The following NALCN variants were observed in gnomAD, a reference collection of about 807,000 sequenced individuals.
NALCN encodes sodium leak channel NALCN.
Under a neutral mutation model 225.3 loss-of-function variants are expected in NALCN, and 111 were observed. That is an observed-to-expected ratio of 0.49 (90% CI 0.42 to 0.58). The LOEUF (loss-of-function observed/expected upper bound fraction) is 0.58. Ranked by LOEUF, NALCN falls within the 20% of genes least tolerant of loss-of-function variation. The pLI is 0.00. For synonymous variants in NALCN, 764 were observed against 769.0 expected (o/e 0.99, Z 0.11); for missense variants, 1,378 against 2,202.4 (o/e 0.63, Z 7.49).
chr13:101,081,778 CA>C, intron 33 of NALCN, 132 bp from the exon 34 acceptor site: 1 of 1,171,790 alleles, frequency 8.5e-7, no homozygotes, highest in Non-Finnish European at 1.2e-6. Context: ...GATGTGGACA[CA>C]GTATCTTTTC....
Position 101,104,546 on chromosome 13 carries a change from T to C in NALCN, c.2741A>G (p.His914Arg), listed in dbSNP as rs760548460. 1.9e-6 allele frequency: 3 copies of C among 1,613,912 alleles called. No individual in the cohort carries two copies. The highest frequency in any genetic ancestry group is 2.2e-5 in the South Asian group (2 of 91,084). ...MFESPFRRVMHAPTLQIAEYV... is the reference protein window; with the variant it reads ...MFESPFRRVMRAPTLQIAEYV... ...AAGCGGTACCTGCAAAGTAGGTGCA[T>C]GCATGACTCTTCGAAACGGGGACTC... Residue 914 changes from histidine (H) to arginine (R), a missense_variant, in exon 24 of 44, where the codon CAT (histidine) becomes CGT (arginine). By Grantham distance (29) the His-to-Arg change is conservative (BLOSUM62 0). Transcript: ENST00000251127. This position sits in a 1 kb window ranked among gnomAD's most constrained non-coding sequence, Gnocchi z 4.2.
intron 6 of NALCN, among the ~76,000 whole-genome samples, chr13:101,351,592 T>A (rs1442009407): frequency 6.6e-6 from 1 of 152,136 alleles, no homozygotes; most frequent in Non-Finnish European, 1.5e-5. Flanking sequence ...ACAAAGATGA[T>A]CATCTCAGTT....
At chr13:101,323,862 G>C (rs2044844027) in intron 7 of NALCN, among the ~76,000 whole-genome samples, 1 of 152,140 alleles carries the variant, frequency 6.6e-6, no homozygotes, top group Non-Finnish European at 1.5e-5. Flanking sequence ...GAAGACTTCT[G>C]TTTGGAAAAT....
intron 9 of NALCN, among the ~76,000 whole-genome samples, chr13:101,286,631 G>A (rs1366854916): frequency 2.0e-5 from 3 of 152,066 alleles, no homozygotes; most frequent in Admixed American, 6.5e-5. Context: ...CTTATTTTGG[G>A]CTTTTTTGTC....
At chr13:101,126,909 GA>G (rs2036261801) in intron 17 of NALCN, among the ~76,000 whole-genome samples, 1 of 152,202 alleles carries the variant, frequency 6.6e-6, no homozygotes, top group African/African-American at 2.4e-5. Flanking sequence ...CATCATCGTG[GA>G]GCATCTGCTC....
intron 42 of NALCN, chr13:101,058,746 C>T (rs1268515279): frequency 6.6e-6 from 1 of 151,372 alleles, no homozygotes; most frequent in East Asian, 1.9e-4. Flanking sequence ...TCCCCAACCT[C>T]ATTAGCCCTG....
chr13:101,270,651 T>C (rs1166127450), intron 10 of NALCN, among the ~76,000 whole-genome samples: 1 of 152,232 alleles, frequency 6.6e-6, no homozygotes, highest in East Asian at 1.9e-4. Context: ...TGCGAAGGAC[T>C]GAACTGCCTG....
At chr13:101,160,876 A>C (rs1331558953) in intron 15 of NALCN, among the ~76,000 whole-genome samples, 1 of 152,204 alleles carries the variant, frequency 6.6e-6, no homozygotes, top group Non-Finnish European at 1.5e-5. Flanking sequence ...GTTCTTATTG[A>C]TCAAGTTTTG....
chr13:101,394,240 G>A (rs539804899), intron 3 of NALCN, among the ~76,000 whole-genome samples: 2 of 152,300 alleles, frequency 1.3e-5, no homozygotes, highest in South Asian at 4.1e-4. Context: ...TGCATTGTCT[G>A]TGATCTCTGT....
chr13:101,137,202 A>G (rs1461403640), intron 17 of NALCN, among the ~76,000 whole-genome samples: 1 of 152,208 alleles, frequency 6.6e-6, no homozygotes, highest in Admixed American at 6.5e-5. Flanking sequence ...TCCCTTTGAG[A>G]TACAACCCAT....
At chr13:101,399,910 G>A (rs577367723) in intron 1 of NALCN, among the ~76,000 whole-genome samples, 3 of 152,186 alleles carry the variant, frequency 2.0e-5, no homozygotes, top group South Asian at 2.1e-4. Context: ...CACTTGAAGG[G>A]GGGCTATTAT....
chr13:101,362,269 G>A (rs984277585), intron 6 of NALCN, among the ~76,000 whole-genome samples: 6 of 151,966 alleles, frequency 3.9e-5, no homozygotes, highest in Admixed American at 2.0e-4. Context: ...TATGGATGTG[G>A]ATCTCTATAT....
intron 28 of NALCN, 64 bp downstream of exon 28, chr13:101,095,510 T>G: frequency 7.5e-7 from 1 of 1,328,558 alleles, no homozygotes; most frequent in Non-Finnish European, 1.1e-6. Flanking sequence ...CATATGATAC[T>G]TATTTAAAGC....
At position 101,124,634 on chromosome 13, in the gene NALCN, C is replaced by A. The variant is rs1695033404; in HGVS notation, c.2166G>T (p.Lys722Asn). 1.9e-6 allele frequency: 3 copies of A among 1,614,016 alleles called. No homozygotes were observed. Among genetic ancestry groups the A allele is most frequent in the Non-Finnish European group, 2.5e-6 (3 of 1,179,962 alleles). Residue 722 changes from lysine (K) to asparagine (N), a missense_variant, in exon 18 of 44, where the codon AAG becomes AAT. Around this residue, in one of 19 missense-constraint regions of NALCN, gnomAD observed 100 missense variants for 89.4 expected, o/e 1.12. Transcript: ENST00000251127. ...TTAAGATTTTAGTGACTGCGGTCTC[C>A]TTTTCCAGAAGGTTCCTTGCCCTGA... ...FSIRARNLLE[K>N]ETAVTKILRA...
At position 101,378,601 on chromosome 13, in the gene NALCN, A is replaced by G. The variant is rs781320980; in HGVS notation, c.344T>C (p.Val115Ala). ...CACCAAAGAAACCCAAAGGCAAAAG[A>G]CCATAAATCCATCAAAAACACACCA... ...DRWCVFDGFM[V>A]FCLWVSLVLQ... Residue 115 changes from valine (V) to alanine (A), a missense_variant, in exon 4 of 44, where the codon GTC becomes GCC. Val to Ala is a moderately conservative substitution (Grantham distance 64, BLOSUM62 0). Transcript: ENST00000251127. 1 of 1,609,976 alleles carries G rather than the reference A, an allele frequency of 6.2e-7. No homozygotes were observed. Among genetic ancestry groups the G allele is most frequent in the Non-Finnish European group, 8.5e-7 (1 of 1,177,712 alleles).
At chr13:101,083,027 G>T in intron 32 of NALCN, 65 bp downstream of exon 32, 1 of 1,555,068 alleles carries the variant, frequency 6.4e-7, no homozygotes, top group Non-Finnish European at 8.9e-7. Flanking sequence ...AGCAGCTTGT[G>T]ATACTCTCGG....
chr13:101,288,748 C>T (rs948944902), intron 9 of NALCN, among the ~76,000 whole-genome samples: 1 of 152,174 alleles, frequency 6.6e-6, no homozygotes. Flanking sequence ...GATTATGATT[C>T]ATTTATAAAA....
intron 7 of NALCN, among the ~76,000 whole-genome samples, chr13:101,321,328 G>A (rs1345909542): frequency 2.0e-5 from 3 of 152,052 alleles, no homozygotes; most frequent in African/African-American, 7.2e-5. Flanking sequence ...AAAAACCTGA[G>A]TGGCCAATAA....
intron 6 of NALCN, among the ~76,000 whole-genome samples, chr13:101,350,003 G>A (rs930019694): frequency 3.3e-5 from 5 of 151,992 alleles, no homozygotes; most frequent in African/African-American, 1.2e-4. Context: ...ATAAGTAATC[G>A]TCACGTTCTC....
Sources: gnomAD v4.1 joint callset for allele counts (sites outside exome capture counted in the v4.1 genomes callset) on GRCh38, gnomAD v4.1.1 for gene constraint, gnomAD v4.1.1 regional missense constraint, Gnocchi (gnomAD v3.1) non-coding constraint, MANE v1.5 for transcripts, NCBI Gene and HGNC (gene_info 2026-07-23, HGNC 2026-07-21) for gene names.